Variants in LYRM1 observed in about 807,000 individuals in gnomAD.
The protein encoded by LYRM1 is LYR motif containing 1.
A neutral mutation model predicts 14.9 loss-of-function variants in LYRM1; 14 were observed. That is an observed-to-expected ratio of 0.94 (90% confidence interval 0.62 to 1.47). The LOEUF (loss-of-function observed/expected upper bound fraction) is 1.47, where lower values mean the gene tolerates loss of function less well. Ranked by LOEUF, LYRM1 falls within the 40% of genes most tolerant of loss-of-function variation. The pLI, the probability that LYRM1 is intolerant of heterozygous loss-of-function variation, is 0.00. For synonymous variants in LYRM1, 43 were observed against 56.2 expected, an observed-to-expected ratio of 0.77 and a Z score of 1.05; for missense variants, 153 against 149.9, an observed-to-expected ratio of 1.02 and a Z score of -0.11.
intron 3 of LYRM1, 176 bp downstream of exon 3, chr16:20,920,390 T>C: frequency 1.6e-6 from 1 of 623,356 alleles, no homozygotes; most frequent in Non-Finnish European, 2.9e-6. Context: ...AAGTAAAATG[T>C]CAATGAATGC....
chr16:20,900,241 G>T (rs2081971519), upstream of LYRM1: 1 of 149,362 alleles, frequency 6.7e-6, no homozygotes, highest in Non-Finnish European at 1.5e-5. Context: ...ACCCTTTCTG[G>T]AAACGACGGC....
intron 1 of LYRM1, among the ~76,000 whole-genome samples, chr16:20,903,683 C>G (rs111794350): frequency 6.6e-6 from 1 of 152,200 alleles, no homozygotes; most frequent in East Asian, 1.9e-4. Context: ...TCTGGTGCCT[C>G]TGCAGATGGG....
intron 1 of LYRM1, among the ~76,000 whole-genome samples, chr16:20,904,892 A>G (rs1041473407): frequency 6.6e-6 from 1 of 152,124 alleles, no homozygotes; most frequent in African/African-American, 2.4e-5. Context: ...ATAAAGGAAG[A>G]AAAATAGGAA....
Position 20,915,575 on chromosome 16 carries a change from A to T in LYRM1, c.20A>T (p.Gln7Leu). 1.2e-6 allele frequency: 2 copies of T among 1,614,114 alleles called. No individual in the cohort carries two copies. The highest frequency in any genetic ancestry group is 1.7e-6 in the Non-Finnish European group (2 of 1,180,020). Reference sequence around the variant, plus strand: ...CTGAAGATGACAACGGCAACACGACAAGAAGTCCTTGGCCTCTACCGCAGC... The same window carrying T: ...CTGAAGATGACAACGGCAACACGACTAGAAGTCCTTGGCCTCTACCGCAGC... MTTATRQEVLGLYRSIF... is the reference protein window; with the variant it reads MTTATRLEVLGLYRSIF... The change falls in exon 2 of 4, where the codon CAA (glutamine) becomes CTA (leucine). Residue 7 changes from glutamine to leucine, a missense_variant. Transcript: ENST00000567954.
In LYRM1 at chr16:20,901,022, C is replaced by G. The variant is rs2082015344; in HGVS notation, c.-1+133C>G. On this transcript the variant is annotated intron_variant, in intron 1 of 3. Transcript: ENST00000567954. The surrounding 1 kb of genome is among the most constrained non-coding windows in gnomAD (Gnocchi z 4.6). ...GGGAGACGGGCCTGTGTGACCCCAG[C>G]TTCGCGGGGGCGGCTCGGTGTCATC... is the stretch of plus-strand genomic sequence containing the variant. 1 of 152,440 alleles carries G rather than the reference C, an allele frequency of 6.6e-6. No homozygotes were observed. Among genetic ancestry groups the G allele is most frequent in the Non-Finnish European group, 1.5e-5 (1 of 68,220 alleles). The allele number at this position is 152,440 out of a possible 1,614,324, so 9.4% of individuals were successfully genotyped here. A position where few individuals can be genotyped will look rare whatever the true frequency, so the allele number is the denominator to read the frequency against.
At chr16:20,905,684 A>G (rs1467614472) in intron 1 of LYRM1, among the ~76,000 whole-genome samples, 2 of 152,228 alleles carry the variant, frequency 1.3e-5, no homozygotes, top group Non-Finnish European at 2.9e-5. Context: ...TGGAAATATT[A>G]TAAGGTATTT....
At chr16:20,919,340 T>A (rs939106433) in intron 2 of LYRM1, among the ~76,000 whole-genome samples, 3 of 151,822 alleles carry the variant, frequency 2.0e-5, no homozygotes, top group African/African-American at 7.3e-5. Flanking sequence ...ATGAGGGGGG[T>A]GTGAAGAAGC....
chr16:20,909,397 C>T (rs550988702), intron 1 of LYRM1, among the ~76,000 whole-genome samples: 1 of 152,300 alleles, frequency 6.6e-6, no homozygotes, highest in East Asian at 1.9e-4. Context: ...ATGTCGGTCT[C>T]AGAATAAAGA....
In LYRM1 at chr16:20,914,128, A is replaced by G. The variant is rs545478006; in HGVS notation, c.1-1428A>G. 3.3e-4 allele frequency among the ~76,000 whole-genome samples: 50 copies of G among 152,182 alleles called. 1 individual carries two copies. The South Asian group carries it at 1.0e-2, about 30-fold the overall frequency. ...CGGCCAGTCATCAGAAAGATTTTTAATTATACTTATTGGACAAGAAAGTAG... is the reference window on the plus strand; with the variant it reads ...CGGCCAGTCATCAGAAAGATTTTTAGTTATACTTATTGGACAAGAAAGTAG... On this transcript the variant is annotated intron_variant, in intron 1 of 3. Coordinates refer to ENST00000567954, the MANE Select transcript of LYRM1 (RefSeq NM_001128302.3).
At chr16:20,909,815 A>C (rs1451845894) in intron 1 of LYRM1, among the ~76,000 whole-genome samples, 1 of 152,218 alleles carries the variant, frequency 6.6e-6, no homozygotes, top group African/African-American at 2.4e-5. Context: ...GATACTCTCA[A>C]TTATTCAGCA....
intron 1 of LYRM1, among the ~76,000 whole-genome samples, chr16:20,915,276 C>A (rs1015915603): frequency 6.6e-6 from 1 of 151,924 alleles, no homozygotes; most frequent in African/African-American, 2.4e-5. Flanking sequence ...ATCGAGACCA[C>A]GGTGAAACCC....
At chr16:20,916,486 CCT>C (rs1480034719) in intron 2 of LYRM1, among the ~76,000 whole-genome samples, 1 of 152,214 alleles carries the variant, frequency 6.6e-6, no homozygotes, top group Non-Finnish European at 1.5e-5. Context: ...ACCACTTTTC[CCT>C]CTCTGACCTC....
intron 1 of LYRM1, among the ~76,000 whole-genome samples, chr16:20,909,980 G>C (rs1220040445): frequency 6.6e-6 from 1 of 152,176 alleles, no homozygotes; most frequent in Non-Finnish European, 1.5e-5. Flanking sequence ...ATACAAACAA[G>C]AATATTAGGA....
At chr16:20,903,550 G>A (rs534857422) in intron 1 of LYRM1, among the ~76,000 whole-genome samples, 1 of 152,234 alleles carries the variant, frequency 6.6e-6, no homozygotes, top group Non-Finnish European at 1.5e-5. Context: ...GGACAGAGCA[G>A]ATAGAACCTT....
intron 3 of LYRM1, among the ~76,000 whole-genome samples, chr16:20,923,297 C>T (rs1211271166): frequency 1.3e-5 from 2 of 151,930 alleles, no homozygotes; most frequent in Non-Finnish European, 2.9e-5. Flanking sequence ...GTCAGGAATT[C>T]GAGACCAGCC....
At position 20,901,975 on chromosome 16, in the gene LYRM1, TC is replaced by T. The variant is rs1023235684; in HGVS notation, c.-1+1087del. Reference sequence around the variant, plus strand: ...CCCATCTCTACTAAAAATACAAAAATCAGCTGGGCGTAGTGGCACGCGCCTG... The same window carrying T: ...CCCATCTCTACTAAAAATACAAAAATAGCTGGGCGTAGTGGCACGCGCCTG... On this transcript the variant is annotated intron_variant, in intron 1 of 3. Transcript: ENST00000567954. The surrounding 1 kb of genome is among the most constrained non-coding windows in gnomAD (Gnocchi z 4.6). Among the ~76,000 whole-genome samples the T allele has an allele frequency of 4.7e-4, 71 of 152,040 alleles. No homozygotes were observed. The highest frequency in any genetic ancestry group is 1.6e-3 in the African/African-American group (66 of 41,414).
At chr16:20,909,061 G>T (rs1326251195) in intron 1 of LYRM1, among the ~76,000 whole-genome samples, 1 of 152,052 alleles carries the variant, frequency 6.6e-6, no homozygotes, top group Non-Finnish European at 1.5e-5. Flanking sequence ...AGTTTGTATT[G>T]TATATCTAAG....
intron 1 of LYRM1, among the ~76,000 whole-genome samples, chr16:20,907,210 G>A (rs1288136360): frequency 1.3e-5 from 2 of 152,134 alleles, no homozygotes; most frequent in East Asian, 1.9e-4. Flanking sequence ...AAATCAGACC[G>A]TGTTACTCCA....
At chr16:20,913,715 C>T (rs959902863) in intron 1 of LYRM1, among the ~76,000 whole-genome samples, 56 of 152,160 alleles carry the variant, frequency 3.7e-4, no homozygotes, top group African/African-American at 1.3e-3. Flanking sequence ...TACCTACGTC[C>T]GTTCTCTCTT....
Sources: gnomAD v4.1 joint callset for allele counts (sites outside exome capture counted in the v4.1 genomes callset) on GRCh38, gnomAD v4.1.1 for gene constraint, Gnocchi (gnomAD v3.1) non-coding constraint, MANE v1.5 for transcripts, NCBI Gene and HGNC (gene_info 2026-07-23, HGNC 2026-07-21) for gene names.